PEX5L: variants seen among roughly 807,000 people sequenced by gnomAD.
PEX5L encodes the protein PEX5-related protein.
A neutral mutation model predicts 84.0 loss-of-function variants in PEX5L; 30 were observed. The ratio of observed to expected loss-of-function variants is 0.36; its 90% CI spans 0.27 to 0.48. PEX5L has a LOEUF of 0.48. Among genes scored for constraint, PEX5L ranks in the 20% least tolerant of loss-of-function variants. The probability of loss-of-function intolerance (pLI) is 0.99; values close to 1 mark genes in which losing one functional copy is unlikely to be tolerated. For synonymous variants in PEX5L, 270 were observed against 283.1 expected (o/e 0.95, Z 0.46); for missense variants, 533 against 754.6 (o/e 0.71, Z 3.44).
intron 8 of PEX5L, among the ~76,000 whole-genome samples, chr3:179,840,188 T>G (rs1244874176): frequency 0.011 from 1,550 of 140,216 alleles, 20 homozygotes; most frequent in African/African-American, 0.032. Context: ...TGTGTGTTTT[T>G]TTTTTTTTTT....
rs115852231 is a variant in PEX5L at position 179,858,936 on chromosome 3, C to A, written c.822+126G>T. 6.2e-6 allele frequency: 4 copies of A among 645,362 alleles called. No homozygotes were observed. The Admixed American group carries it at 7.7e-5, about 12-fold the overall frequency. The allele number at this position is 645,362 out of a possible 1,614,324, so 40.0% of individuals were successfully genotyped here. On this transcript the variant is annotated intron_variant, in intron 8 of 14. Transcript: ENST00000467460. ...CAAATGATTGTCTCATTTTGACAAT[C>A]ATAATCATGGCTATTTCATGTCTAT...
At chr3:179,814,686 G>A (rs1269933456) in intron 10 of PEX5L, among the ~76,000 whole-genome samples, 1 of 152,204 alleles carries the variant, frequency 6.6e-6, no homozygotes, top group Non-Finnish European at 1.5e-5. Flanking sequence ...TAGGACTGCA[G>A]AAGCTTTTTG....
chr3:179,915,020 C>G (rs17691911), intron 2 of PEX5L, among the ~76,000 whole-genome samples: 45,512 of 152,002 alleles, frequency 0.3, 7,025 homozygotes, highest in Non-Finnish European at 0.33. Context: ...TAAGATGCAG[C>G]CTTTTTGCTT....
chr3:179,961,489 G>C (rs1040622608), intron 2 of PEX5L, among the ~76,000 whole-genome samples: 1 of 152,096 alleles, frequency 6.6e-6, no homozygotes, highest in African/African-American at 2.4e-5. Context: ...GAAAAGACAT[G>C]CACTGTAAAG....
intron 1 of PEX5L, among the ~76,000 whole-genome samples, chr3:180,023,204 C>G (rs569707789): frequency 6.6e-5 from 10 of 152,274 alleles, no homozygotes; most frequent in African/African-American, 2.2e-4. Flanking sequence ...ATGCTGCATT[C>G]TCTTTATCAG....
chr3:179,797,601 AAAAAATATATAT>A lies in PEX5L; in HGVS notation c.*4215_*4226del, dbSNP rs1431959415. On this transcript the variant is annotated 3_prime_UTR_variant, in exon 15 of 15. Transcript: ENST00000467460. The stretch of plus-strand genomic sequence containing the variant: ...TATGAACACTCTTTAAAAAAAAAAA[AAAAAATATATAT>A]ATATATATATATATATATCTACTTC... 1.9e-5 allele frequency: 2 copies of A among 107,084 alleles called. No individual in the cohort carries two copies. Among genetic ancestry groups the A allele is most frequent in the African/African-American group, 7.8e-5 (2 of 25,540 alleles). 6.6% of individuals were successfully genotyped at this position (107,084 alleles called of 1,614,324 possible).
At chr3:179,947,928 G>T (rs1430034131) in intron 2 of PEX5L, among the ~76,000 whole-genome samples, 1 of 151,916 alleles carries the variant, frequency 6.6e-6, no homozygotes, top group African/African-American at 2.4e-5. Flanking sequence ...GGATGGTCTC[G>T]ATCTCCTGAC....
intron 2 of PEX5L, among the ~76,000 whole-genome samples, chr3:179,937,307 G>A (rs1345748636): frequency 6.6e-6 from 1 of 152,090 alleles, no homozygotes; most frequent in Non-Finnish European, 1.5e-5. Flanking sequence ...TGTAACAAAT[G>A]TACCACAGTA....
At chr3:179,883,779 C>T (rs544085356) in intron 4 of PEX5L, among the ~76,000 whole-genome samples, 6 of 150,004 alleles carry the variant, frequency 4.0e-5, no homozygotes, top group South Asian at 2.1e-4. Flanking sequence ...AGCAAAACTC[C>T]GTCTCAAAAA....
chr3:179,998,394 G>T (rs984542030), intron 1 of PEX5L, among the ~76,000 whole-genome samples: 1 of 152,172 alleles, frequency 6.6e-6, no homozygotes, highest in Non-Finnish European at 1.5e-5. Context: ...AAGTTGCTCT[G>T]CCACTTGGGC....
intron 2 of PEX5L, among the ~76,000 whole-genome samples, chr3:179,942,717 C>G (rs769822417): frequency 3.3e-5 from 5 of 152,336 alleles, no homozygotes; most frequent in Middle Eastern, 3.4e-3. Flanking sequence ...TATACTCGAC[C>G]CTGCTCCAGC....
At chr3:179,895,057 AT>A (rs1758800788) in intron 3 of PEX5L, among the ~76,000 whole-genome samples, 1 of 152,158 alleles carries the variant, frequency 6.6e-6, no homozygotes, top group African/African-American at 2.4e-5. Context: ...AGAATAGAAT[AT>A]TCTGTTCAAC....
chr3:179,853,643 T>A (rs921899523), intron 8 of PEX5L, among the ~76,000 whole-genome samples: 1 of 152,156 alleles, frequency 6.6e-6, no homozygotes, highest in African/African-American at 2.4e-5. Flanking sequence ...AGGAAGCTCC[T>A]CTCTCTTTTG....
At chr3:179,882,161 T>C (rs1754357846) in intron 4 of PEX5L, among the ~76,000 whole-genome samples, 1 of 152,218 alleles carries the variant, frequency 6.6e-6, no homozygotes, top group Non-Finnish European at 1.5e-5. Flanking sequence ...TTTTTACTAA[T>C]TGTACAAACA....
chr3:179,818,501 G>A (rs1727066522), intron 9 of PEX5L, among the ~76,000 whole-genome samples: 1 of 152,050 alleles, frequency 6.6e-6, no homozygotes, highest in Non-Finnish European at 1.5e-5. Flanking sequence ...ATTGTTGAGT[G>A]TAGTCACCCA....
At chr3:179,978,783 G>T (rs1369265193) in intron 1 of PEX5L, among the ~76,000 whole-genome samples, 3 of 152,150 alleles carry the variant, frequency 2.0e-5, no homozygotes, top group Non-Finnish European at 4.4e-5. Context: ...TGTTGTATAG[G>T]TCCCATCACT....
intron 1 of PEX5L, among the ~76,000 whole-genome samples, chr3:179,982,538 T>C (rs768142901): frequency 1.3e-5 from 2 of 152,166 alleles, no homozygotes; most frequent in Non-Finnish European, 2.9e-5. Context: ...AAAGATTTCT[T>C]GAACAATGCA....
chr3:179,893,106 C>G (rs772856242), intron 3 of PEX5L, among the ~76,000 whole-genome samples: 8 of 152,088 alleles, frequency 5.3e-5, no homozygotes, highest in Admixed American at 2.0e-4. Context: ...ACCATTACAC[C>G]TTCTTTGTAA....
Position 179,798,805 on chromosome 3 carries a change from ATAAAG to A in PEX5L, c.*3018_*3022del, listed in dbSNP as rs1380150023. On this transcript the variant is annotated 3_prime_UTR_variant, in exon 15 of 15. Coordinates refer to ENST00000467460, the MANE Select transcript of PEX5L (RefSeq NM_016559.3). ...ATGCCAAAAATTGTTCTGCCAAAAA[ATAAAG>A]TAGATGCACTTCTAAGAAACAAAAC... is the stretch of plus-strand genomic sequence containing the variant. The A allele has an allele frequency of 6.6e-6, 1 of 152,258 alleles. No individual in the cohort carries two copies. The highest frequency in any genetic ancestry group is 2.4e-5 in the African/African-American group (1 of 41,474). The allele number at this position is 152,258 out of a possible 1,614,324, so 9.4% of individuals were successfully genotyped here.
Sources: allele counts gnomAD v4.1 joint callset (sites outside exome capture counted in the v4.1 genomes callset), GRCh38; gene constraint gnomAD v4.1.1; transcripts MANE v1.5; gene names NCBI Gene and HGNC (gene_info 2026-07-23, HGNC 2026-07-21).